PANK2: variants seen among roughly 807,000 people sequenced by gnomAD.
PANK2 encodes the protein pantothenate kinase 2, mitochondrial.
PANK2 carries 36 observed loss-of-function variants against 43.1 expected under a neutral mutation model. The ratio of observed to expected loss-of-function variants is 0.84; its 90% CI spans 0.64 to 1.10. The LOEUF (loss-of-function observed/expected upper bound fraction) is 1.10, where lower values mean the gene tolerates loss of function less well. PANK2 is among the 50% of genes least tolerant of loss of function. The probability of loss-of-function intolerance (pLI) is 0.00; values close to 1 mark genes in which losing one functional copy is unlikely to be tolerated. For synonymous variants in PANK2, 281 were observed against 238.2 expected (o/e 1.18, Z -1.66); for missense variants, 576 against 593.3 (o/e 0.97, Z 0.30).
chr20:3,901,073 T>C (rs2090293152), intron 1 of PANK2, among the ~76,000 whole-genome samples: 1 of 151,860 alleles, frequency 6.6e-6, no homozygotes, highest in South Asian at 2.1e-4. Context: ...TATTTATTTA[T>C]TTAAGAGGTA....
rs143400190 is a variant in PANK2 at position 3,906,901 on chromosome 20, C to T, written c.299-1025C>T. 9.0e-3 allele frequency among the ~76,000 whole-genome samples: 1,372 copies of T among 151,904 alleles called. 21 individuals carry two copies. The highest frequency in any genetic ancestry group is 0.031 in the African/African-American group (1,294 of 41,414). ...GCAGCTTCTGCCTCATGGGTTCAAG[C>T]GATTCTCCTGCCTCAGCCTCCGGAG... On this transcript the variant is annotated intron_variant, in intron 1 of 6. Transcript: ENST00000610179.
At chr20:3,910,541 A>G in intron 2 of PANK2, 36 bp from the exon 3 acceptor site, 1 of 1,613,412 alleles carries the variant, frequency 6.2e-7, no homozygotes, top group Non-Finnish European at 8.5e-7. Flanking sequence ...CTGTTGGCTT[A>G]TTAAAAAGTC....
At chr20:3,903,487 A>T in intron 1 of PANK2, among the ~76,000 whole-genome samples, 2 of 93,176 alleles carry the variant, frequency 2.1e-5, no homozygotes, top group Non-Finnish European at 2.0e-5. Context: ...TTTTTTTGAG[A>T]CTGAGTTTTG....
chr20:3,910,295 G>GTTTTTTTTTTTTT (rs11441747), intron 2 of PANK2, among the ~76,000 whole-genome samples: 2 of 143,926 alleles, frequency 1.4e-5, no homozygotes, highest in Non-Finnish European at 3.0e-5. Flanking sequence ...AAATGCTGTG[G>GTTTTTTTTTTTTT]TTTTTTTTTT....
intron 5 of PANK2, chr20:3,917,487 T>G: frequency 1.9e-6 from 1 of 534,876 alleles, no homozygotes; most frequent in Non-Finnish European, 3.8e-6. Context: ...TCAGCAGAGC[T>G]GCGTCTTTGT....
At position 3,889,679 on chromosome 20, in the gene PANK2, C is replaced by T. The variant is rs1410316635; in HGVS notation, c.249C>T (p.Pro83=). 2 of 1,593,126 alleles carry T rather than the reference C, an allele frequency of 1.3e-6. No homozygotes were observed. The highest frequency in any genetic ancestry group is 1.3e-5 in the African/African-American group (1 of 74,824). ...ATCGACTGGGCTCTTACAGCGGCCC[C>T]ACCTCGGTCTCCCGCCAGCGCGTCG... is the stretch of plus-strand genomic sequence containing the variant. The change falls in exon 1 of 7, where the codon CCC becomes CCT. Residue 83 remains proline (P), a synonymous_variant. Transcript: ENST00000610179.
intron 5 of PANK2, among the ~76,000 whole-genome samples, chr20:3,917,336 G>T (rs2090578047): frequency 6.6e-6 from 1 of 152,154 alleles, no homozygotes; most frequent in Non-Finnish European, 1.5e-5. Context: ...ACTGTTGGGG[G>T]TGATGATGGA....
rs2090570190 is a variant in PANK2, at chr20:3,916,931, GGAAACAT to G, written c.1090_1096del (p.Asn364Ter). ...ATTTTTTTTCCCCCATCACAGCTTT[GGAAACAT>G]GATGAGCAAGGAGAAGCGAGAGGCT... On this transcript the variant is annotated frameshift_variant, in exon 5 of 7. Coordinates refer to ENST00000610179, the MANE Select transcript of PANK2 (RefSeq NM_001386393.1). LOFTEE classifies it high-confidence loss of function. 3 of 1,613,566 alleles carry G rather than the reference GGAAACAT, an allele frequency of 1.9e-6. No individual in the cohort carries two copies. Among genetic ancestry groups the G allele is most frequent in the Non-Finnish European group, 2.5e-6 (3 of 1,179,924 alleles).
chr20:3,927,442 ACTG>A lies in PANK2; in HGVS notation c.*4150_*4152del, dbSNP rs1424247497. ...TATACAAAAATATAGCTTACAAAAA[ACTG>A]CGAATGTTTAAAAATATTCTGCTGC... On this transcript the variant is annotated 3_prime_UTR_variant, in exon 7 of 7. Coordinates refer to ENST00000610179, the MANE Select transcript of PANK2 (RefSeq NM_001386393.1). The A allele has an allele frequency of 6.6e-6, 1 of 152,218 alleles. No homozygotes were observed. Among genetic ancestry groups the A allele is most frequent in the Non-Finnish European group, 1.5e-5 (1 of 68,042 alleles). The allele number at this position is 152,218 out of a possible 1,614,324, so 9.4% of individuals were successfully genotyped here.
At chr20:3,910,507 C>A in intron 2 of PANK2, 70 bp from the exon 3 acceptor site, 1 of 1,542,070 alleles carries the variant, frequency 6.5e-7, no homozygotes, top group Non-Finnish European at 9.0e-7. Flanking sequence ...AGTGGGGATG[C>A]CTTATTGAAT....
At chr20:3,900,715 A>G (rs1331196972) in intron 1 of PANK2, among the ~76,000 whole-genome samples, 1 of 151,934 alleles carries the variant, frequency 6.6e-6, no homozygotes, top group Non-Finnish European at 1.5e-5. Context: ...AATTTGACCT[A>G]TTTGTGATTA....
chr20:3,919,323 C>G (rs2090612559), intron 6 of PANK2, among the ~76,000 whole-genome samples: 2 of 106,994 alleles, frequency 1.9e-5, no homozygotes, highest in Admixed American at 8.0e-5. Flanking sequence ...TAGAGAAAAA[C>G]CCTTGAACAT....
chr20:3,894,230 C>T (rs562978757), intron 1 of PANK2, among the ~76,000 whole-genome samples: 8 of 149,588 alleles, frequency 5.3e-5, no homozygotes, highest in Non-Finnish European at 1.2e-4. Context: ...CGTGCCTGAC[C>T]GAAAAGATGT....
chr20:3,897,856 C>T lies in PANK2; in HGVS notation c.298+8128C>T, dbSNP rs6052152. Among the ~76,000 whole-genome samples, 828 of 151,536 alleles carry T rather than the reference C, an allele frequency of 5.5e-3. 7 individuals are homozygous for T. The highest frequency in any genetic ancestry group is 0.018 in the African/African-American group (763 of 41,334). ...ACTGTCTCTACTAAAAATATGAAAA[C>T]TAGCTGGGCATGGTGGTACGAGCCT... On this transcript the variant is annotated intron_variant, in intron 1 of 6. Coordinates refer to ENST00000610179, the MANE Select transcript of PANK2 (RefSeq NM_001386393.1).
chr20:3,907,869 G>C, intron 1 of PANK2, 57 bp from the exon 2 acceptor site: 1 of 1,465,440 alleles, frequency 6.8e-7, no homozygotes, highest in African/African-American at 1.4e-5. Flanking sequence ...ACTGTGGTAA[G>C]GGTAAATTTA....
Position 3,926,500 on chromosome 20 carries a change from G to A in PANK2, c.*3206G>A, listed in dbSNP as rs2090722090. 1 of 152,350 alleles carries A rather than the reference G, an allele frequency of 6.6e-6. No individual in the cohort carries two copies. The highest frequency in any genetic ancestry group is 1.5e-5 in the Non-Finnish European group (1 of 68,154). 9.4% of individuals were successfully genotyped at this position (152,350 alleles called of 1,614,324 possible). A position where few individuals can be genotyped will look rare whatever the true frequency, so the allele number is the denominator to read the frequency against. On this transcript the variant is annotated 3_prime_UTR_variant, in exon 7 of 7. Coordinates refer to ENST00000610179, the MANE Select transcript of PANK2 (RefSeq NM_001386393.1). ...CCACTCGGTCCTAGTGAGGGGTGGT[G>A]AGGAGAGCAGCAACGGCCACACAGG...
intron 4 of PANK2, among the ~76,000 whole-genome samples, chr20:3,915,401 C>T (rs1380650749): frequency 7.2e-5 from 11 of 152,000 alleles, no homozygotes; most frequent in East Asian, 1.9e-4. Flanking sequence ...CGGGTTCAAG[C>T]GATTCTCCTG....
At chr20:3,914,014 C>T (rs1052106345) in intron 4 of PANK2, among the ~76,000 whole-genome samples, 1 of 151,468 alleles carries the variant, frequency 6.6e-6, no homozygotes, top group Non-Finnish European at 1.5e-5. Context: ...TGGTCTCGAT[C>T]TGCTGACCTC....
chr20:3,899,007 T>C (rs1175419578), intron 1 of PANK2, among the ~76,000 whole-genome samples: 1 of 151,736 alleles, frequency 6.6e-6, no homozygotes, highest in African/African-American at 2.4e-5. Flanking sequence ...CCCGAGTAGC[T>C]GGAATTACAG....
Sources: allele counts gnomAD v4.1 joint callset (sites outside exome capture counted in the v4.1 genomes callset), GRCh38; gene constraint gnomAD v4.1.1; transcripts MANE v1.5; gene names NCBI Gene and HGNC (gene_info 2026-07-23, HGNC 2026-07-21).